Variants in NTNG1 observed in about 807,000 individuals in gnomAD.
NTNG1 encodes the protein netrin G1.
In NTNG1, 16 loss-of-function variants were observed where a neutral mutation model predicts 54.0. The ratio of observed to expected loss-of-function variants is 0.30; its 90% CI spans 0.20 to 0.45. NTNG1 has a LOEUF of 0.45. Ranked by LOEUF, NTNG1 falls within the 20% of genes least tolerant of loss-of-function variation. NTNG1 has a pLI of 1.00. For synonymous variants in NTNG1, 255 were observed against 263.1 expected (o/e 0.97, Z 0.30); for missense variants, 530 against 678.7 (o/e 0.78, Z 2.43).
At chr1:107,307,133 G>A (rs1570639175) in intron 2 of NTNG1, among the ~76,000 whole-genome samples, 1 of 152,206 alleles carries the variant, frequency 6.6e-6, no homozygotes, top group Non-Finnish European at 1.5e-5. Flanking sequence ...AGCCATTTGG[G>A]GGATGTTTTT....
intron 2 of NTNG1, among the ~76,000 whole-genome samples, chr1:107,280,034 G>GGTGTGTGTGT (rs58563513): frequency 0.011 from 1,621 of 146,518 alleles, 22 homozygotes; most frequent in African/African-American, 0.037. Context: ...TTCCTTTGTT[G>GGTGTGTGTGT]GTGTGTGTGT....
In NTNG1 at chr1:107,223,250, G is replaced by T. The variant is rs560814133; in HGVS notation, c.246+74411G>T. 4.6e-5 allele frequency among the ~76,000 whole-genome samples: 7 copies of T among 152,046 alleles called. No homozygotes were observed. The South Asian group carries it at 1.5e-3, about 32-fold the overall frequency. On this transcript the variant is annotated intron_variant, in intron 2 of 7. Transcript: ENST00000370068. ...GAAAAGGAGGCGAGAACACGCAGGGGTGTGTGTGTGTCTGTGTGTGCGCAT... is the reference window on the plus strand; with the variant it reads ...GAAAAGGAGGCGAGAACACGCAGGGTTGTGTGTGTGTCTGTGTGTGCGCAT...
chr1:107,398,065 T>C (rs758420078), intron 4 of NTNG1, among the ~76,000 whole-genome samples: 6 of 152,054 alleles, frequency 3.9e-5, no homozygotes, highest in Non-Finnish European at 7.4e-5. Context: ...TCCCCTAACA[T>C]AACACAAAAG....
intron 7 of NTNG1, among the ~76,000 whole-genome samples, chr1:107,465,202 T>A (rs796834728): frequency 6.6e-5 from 10 of 152,206 alleles, no homozygotes; most frequent in African/African-American, 2.4e-4. Flanking sequence ...AAAATCATCA[T>A]TGGAAAAGAA....
At chr1:107,368,998 AGTT>A (rs1168405605) in intron 3 of NTNG1, among the ~76,000 whole-genome samples, 8 of 152,172 alleles carry the variant, frequency 5.3e-5, no homozygotes, top group African/African-American at 1.9e-4. Context: ...TTTACAGATT[AGTT>A]TGCATATTCT....
intron 6 of NTNG1, 104 bp from the exon 7 acceptor site, chr1:107,436,561 T>C (rs1034146732): frequency 8.6e-5 from 79 of 922,378 alleles, no homozygotes; most frequent in Non-Finnish European, 1.1e-4. Flanking sequence ...AATGGACATC[T>C]TTCTTTAAGT....
chr1:107,254,808 A>G (rs1163780604), intron 2 of NTNG1, among the ~76,000 whole-genome samples: 1 of 152,188 alleles, frequency 6.6e-6, no homozygotes, highest in Admixed American at 6.5e-5. Context: ...TTGCTTGCCC[A>G]TGATTGTGTA....
At chr1:107,141,398 GGGCC>G (rs1198273375) in intron 1 of NTNG1, 2 of 149,996 alleles carry the variant, frequency 1.3e-5, no homozygotes, top group African/African-American at 4.9e-5. Flanking sequence ...TGGCTGCGCA[GGGCC>G]GCCGCCCCGC....
At chr1:107,352,535 G>T (rs1249691260) in intron 3 of NTNG1, among the ~76,000 whole-genome samples, 3 of 152,252 alleles carry the variant, frequency 2.0e-5, no homozygotes, top group Middle Eastern at 6.8e-3. Flanking sequence ...TTCCACCTAT[G>T]AGTCTGTAAA....
chr1:107,422,180 G>A (rs1054179936), intron 5 of NTNG1, among the ~76,000 whole-genome samples: 11 of 152,050 alleles, frequency 7.2e-5, no homozygotes, highest in Non-Finnish European at 1.0e-4. Context: ...TTGGGTTGAG[G>A]GGAACCCAAT....
At chr1:107,400,188 C>G (rs755020224) in intron 4 of NTNG1, among the ~76,000 whole-genome samples, 53 of 152,208 alleles carry the variant, frequency 3.5e-4, no homozygotes, top group Non-Finnish European at 6.6e-4. Flanking sequence ...TCTCTTCACT[C>G]TATATTGAAA....
chr1:107,392,902 A>G (rs1354298598), intron 3 of NTNG1, among the ~76,000 whole-genome samples: 2 of 152,198 alleles, frequency 1.3e-5, no homozygotes, highest in Non-Finnish European at 2.9e-5. Context: ...GGTTATGTAC[A>G]GTGGTCAGGA....
Position 107,373,805 on chromosome 1 carries a change from C to T in NTNG1, c.888-21349C>T, listed in dbSNP as rs369757889. Among the ~76,000 whole-genome samples, 5 of 152,126 alleles carry T rather than the reference C, an allele frequency of 3.3e-5. No homozygotes were observed. The East Asian group carries it at 7.7e-4, about 24-fold the overall frequency. ...CCTCAACATCCTGGGTTCAAGCAATCCTCATGACTCAGCCTCTCAAGTAGC... is the reference window on the plus strand; with the variant it reads ...CCTCAACATCCTGGGTTCAAGCAATTCTCATGACTCAGCCTCTCAAGTAGC... On this transcript the variant is annotated intron_variant, in intron 3 of 7. Transcript: ENST00000370068.
At chr1:107,459,919 A>G (rs927447906) in intron 7 of NTNG1, among the ~76,000 whole-genome samples, 1 of 152,206 alleles carries the variant, frequency 6.6e-6, no homozygotes, top group Non-Finnish European at 1.5e-5. Flanking sequence ...GTATCCCTCA[A>G]CTTTCCAACT....
At chr1:107,207,431 G>A (rs937339579) in intron 2 of NTNG1, among the ~76,000 whole-genome samples, 4 of 152,216 alleles carry the variant, frequency 2.6e-5, no homozygotes, top group African/African-American at 9.6e-5. Flanking sequence ...AGCTGTGAAG[G>A]TGATGGCACA....
chr1:107,188,885 G>C (rs184426894), intron 2 of NTNG1, among the ~76,000 whole-genome samples: 14 of 152,154 alleles, frequency 9.2e-5, no homozygotes, highest in African/African-American at 3.4e-4. Flanking sequence ...ATCTAAGGCA[G>C]CATTTATTTA....
At chr1:107,449,244 A>C (rs1676479672) in intron 7 of NTNG1, among the ~76,000 whole-genome samples, 1 of 152,006 alleles carries the variant, frequency 6.6e-6, no homozygotes, top group Non-Finnish European at 1.5e-5. Flanking sequence ...GTGACAAGAC[A>C]GGGGACATCT....
At chr1:107,173,737 T>TA (rs1656434446) in intron 2 of NTNG1, among the ~76,000 whole-genome samples, 1 of 151,626 alleles carries the variant, frequency 6.6e-6, no homozygotes. Flanking sequence ...CTTTTTTTTT[T>TA]TTTGCCTGCT....
intron 5 of NTNG1, among the ~76,000 whole-genome samples, chr1:107,413,617 G>T (rs1293082048): frequency 3.9e-5 from 6 of 152,170 alleles, no homozygotes; most frequent in Non-Finnish European, 5.9e-5. Context: ...TCACAGCAGT[G>T]GCACATCATA....
Sources: gnomAD v4.1 joint callset for allele counts (sites outside exome capture counted in the v4.1 genomes callset) on GRCh38, gnomAD v4.1.1 for gene constraint, MANE v1.5 for transcripts, NCBI Gene and HGNC (gene_info 2026-07-23, HGNC 2026-07-21) for gene names.